The following MTUS2 variants were observed in gnomAD, a reference collection of about 807,000 sequenced individuals.
MTUS2 encodes the protein microtubule associated scaffold protein 2.
Under a neutral mutation model 114.1 loss-of-function variants are expected in MTUS2, and 40 were observed. The observed-to-expected ratio is 0.35, with a 90% CI of 0.27 to 0.46. The LOEUF (loss-of-function observed/expected upper bound fraction) is 0.46, where lower values mean the gene tolerates loss of function less well. MTUS2 is among the 20% of genes least tolerant of loss of function. MTUS2 has a pLI of 1.00. For synonymous variants in MTUS2, 688 were observed against 672.0 expected (o/e 1.02, Z -0.37); for missense variants, 1,679 against 1,705.4 (o/e 0.98, Z 0.27).
At chr13:29,219,062 G>A (rs1319467841) in intron 5 of MTUS2, among the ~76,000 whole-genome samples, 3 of 148,102 alleles carry the variant, frequency 2.0e-5, no homozygotes, top group Non-Finnish European at 3.0e-5. Context: ...ATGCTGGTGC[G>A]CTGCACCCGC....
At chr13:29,336,840 C>G (rs1901089438) in intron 7 of MTUS2, among the ~76,000 whole-genome samples, 1 of 152,194 alleles carries the variant, frequency 6.6e-6, no homozygotes, top group Non-Finnish European at 1.5e-5. Context: ...AATTCCCTGC[C>G]CAGAGAGGAG....
intron 1 of MTUS2, among the ~76,000 whole-genome samples, chr13:28,821,401 T>A (rs1446288717): frequency 2.6e-5 from 4 of 152,244 alleles, no homozygotes; most frequent in Non-Finnish European, 4.4e-5. Flanking sequence ...AGATCCTACA[T>A]GTATACTTTC....
At chr13:28,943,628 G>C (rs1246163268) in intron 2 of MTUS2, among the ~76,000 whole-genome samples, 1 of 152,186 alleles carries the variant, frequency 6.6e-6, no homozygotes, top group Non-Finnish European at 1.5e-5. Flanking sequence ...TGAGACTTGA[G>C]CTGCTCAGAA....
chr13:28,828,492 C>T (rs949510806), intron 1 of MTUS2, among the ~76,000 whole-genome samples: 5 of 152,128 alleles, frequency 3.3e-5, no homozygotes, highest in African/African-American at 9.7e-5. Flanking sequence ...GAAATCTTCA[C>T]AATTTATCTT....
At position 29,025,905 on chromosome 13, in the gene MTUS2, T is replaced by G. The variant is rs969527604; in HGVS notation, c.1207T>G (p.Leu403Val). 6.2e-7 allele frequency: 1 copy of G among 1,613,654 alleles called. No homozygotes were observed. ...HTTPKQGSAS[L>V]GGADNQPTGK... The stretch of plus-strand genomic sequence containing the variant: ...CACCCCCAAACAGGGCTCTGCTTCC[T>G]TAGGAGGGGCTGATAATCAGCCCAC... The change falls in exon 3 of 16, where the codon TTA becomes GTA. Residue 403 changes from leucine to valine, a missense_variant. Leu to Val is a conservative substitution (Grantham distance 32, BLOSUM62 1). Coordinates refer to ENST00000612955, the MANE Select transcript of MTUS2 (RefSeq NM_001033602.4).
chr13:29,235,168 C>G (rs975617756), intron 5 of MTUS2, among the ~76,000 whole-genome samples: 1 of 152,130 alleles, frequency 6.6e-6, no homozygotes, highest in African/African-American at 2.4e-5. Context: ...ACGATCTCAG[C>G]TCACCGCAAC....
chr13:29,216,743 A>G (rs930227235), intron 5 of MTUS2, among the ~76,000 whole-genome samples: 1 of 152,234 alleles, frequency 6.6e-6, no homozygotes, highest in Non-Finnish European at 1.5e-5. Context: ...TTGGAAATGC[A>G]GAAATCACTG....
intron 5 of MTUS2, among the ~76,000 whole-genome samples, chr13:29,167,391 G>A (rs1486824335): frequency 6.8e-6 from 1 of 147,394 alleles, no homozygotes; most frequent in Non-Finnish European, 1.5e-5. Context: ...AAAAAAGAAG[G>A]ATTTCTAATA....
intron 6 of MTUS2, among the ~76,000 whole-genome samples, chr13:29,324,241 A>G (rs1900382507): frequency 6.6e-6 from 1 of 152,200 alleles, no homozygotes; most frequent in Admixed American, 6.5e-5. Flanking sequence ...CTGTCTTCTG[A>G]AAATTTGTTA....
In MTUS2 at chr13:28,832,743, G is replaced by T. The variant is rs1874784750; in HGVS notation, c.-315-7035G>T. ...GTAAACTATAGTAAGGACTAGAACA[G>T]AAGTAAATGAAATAGAGAATAGAAA... On this transcript the variant is annotated intron_variant, in intron 1 of 15. Coordinates refer to ENST00000612955, the MANE Select transcript of MTUS2 (RefSeq NM_001033602.4). Among the ~76,000 whole-genome samples, 3 of 138,226 alleles carry T rather than the reference G, an allele frequency of 2.2e-5. No homozygotes were observed. The Admixed American group carries it at 2.3e-4, about 11-fold the overall frequency. The allele number at this position is 138,226 out of a possible 152,430, so 90.7% of individuals were successfully genotyped here.
intron 8 of MTUS2, among the ~76,000 whole-genome samples, chr13:29,365,020 T>C (rs1400561270): frequency 6.6e-6 from 1 of 152,194 alleles, no homozygotes; most frequent in Non-Finnish European, 1.5e-5. Context: ...AAGTGGTAAA[T>C]TCAAGGTAAA....
chr13:28,926,504 A>G (rs951036389), intron 2 of MTUS2, among the ~76,000 whole-genome samples: 1 of 152,202 alleles, frequency 6.6e-6, no homozygotes, highest in Admixed American at 6.5e-5. Context: ...GAGCTAATCA[A>G]ATAAGACAAC....
chr13:29,427,647 C>T (rs1876649516), intron 8 of MTUS2, among the ~76,000 whole-genome samples: 1 of 152,176 alleles, frequency 6.6e-6, no homozygotes. Context: ...TCACTAAATA[C>T]TTGCCTTTCT....
chr13:28,935,580 C>T (rs1428919709), intron 2 of MTUS2, among the ~76,000 whole-genome samples: 4 of 152,102 alleles, frequency 2.6e-5, no homozygotes, highest in Non-Finnish European at 5.9e-5. Flanking sequence ...TGATTACATG[C>T]TGTCCTCTCG....
At chr13:29,039,011 G>C (rs1426064705) in intron 4 of MTUS2, among the ~76,000 whole-genome samples, 13 of 152,218 alleles carry the variant, frequency 8.5e-5, no homozygotes, top group African/African-American at 3.1e-4. Context: ...GTGGTGGGCT[G>C]TTGGGAAAGC....
intron 6 of MTUS2, among the ~76,000 whole-genome samples, chr13:29,294,377 A>G (rs544317758): frequency 5.0e-4 from 76 of 152,316 alleles, no homozygotes; most frequent in Non-Finnish European, 7.8e-4. Flanking sequence ...TTGATTAACC[A>G]TAGTTTGGAG....
At chr13:29,096,043 T>G (rs1362227058) in intron 4 of MTUS2, among the ~76,000 whole-genome samples, 1 of 152,196 alleles carries the variant, frequency 6.6e-6, no homozygotes, top group Non-Finnish European at 1.5e-5. Flanking sequence ...TGTGTCTCAT[T>G]TTATTTTTGT....
rs535882646 is a variant in MTUS2, at chr13:29,148,502, G to A, written c.2644+47532G>A. On this transcript the variant is annotated intron_variant, in intron 5 of 15. Transcript: ENST00000612955. ...TTTTTTTTTTTTTTTTTTTTGAGAC[G>A]GAGTCTCGCTCTGTCGCCCAGGCTG... Among the ~76,000 whole-genome samples, 29 of 104,432 alleles carry A rather than the reference G, an allele frequency of 2.8e-4. 1 individual carries two copies. Among genetic ancestry groups the A allele is most frequent in the African/African-American group, 8.6e-4 (27 of 31,264 alleles). The allele number at this position is 104,432 out of a possible 152,430, so 68.5% of individuals were successfully genotyped here.
chr13:29,044,228 A>AG (rs1555288752), intron 4 of MTUS2, among the ~76,000 whole-genome samples: 1 of 151,554 alleles, frequency 6.6e-6, no homozygotes, highest in African/African-American at 2.4e-5. Context: ...CCAAGCTGGC[A>AG]TTTTTTTTCT....
Sources: allele counts gnomAD v4.1 joint callset (sites outside exome capture counted in the v4.1 genomes callset), GRCh38; gene constraint gnomAD v4.1.1; transcripts MANE v1.5; gene names NCBI Gene and HGNC (gene_info 2026-07-23, HGNC 2026-07-21).